The following TEX10 variants were observed in gnomAD, a reference collection of about 807,000 sequenced individuals.
TEX10 encodes the protein testis-expressed protein 10.
Under a neutral mutation model 104.4 loss-of-function variants are expected in TEX10, and 24 were observed. The observed-to-expected ratio is 0.23, with a 90% CI of 0.17 to 0.32. The LOEUF (loss-of-function observed/expected upper bound fraction) is 0.32, where lower values mean the gene tolerates loss of function less well. Among genes scored for constraint, TEX10 ranks in the 10% least tolerant of loss-of-function variants. The probability of loss-of-function intolerance (pLI) is 1.00; values close to 1 mark genes in which losing one functional copy is unlikely to be tolerated. For synonymous variants in TEX10, 396 were observed against 393.4 expected (o/e 1.01, Z -0.08); for missense variants, 921 against 1,083.9 (o/e 0.85, Z 2.11).
intron 10 of TEX10, among the ~76,000 whole-genome samples, chr9:100,321,473 C>T (rs997232015): frequency 2.6e-5 from 4 of 152,116 alleles, no homozygotes; most frequent in Admixed American, 1.3e-4. Flanking sequence ...AAAGACAAAT[C>T]ATCCATCCTC....
At chr9:100,341,576 C>A (rs1033334543) in intron 4 of TEX10, among the ~76,000 whole-genome samples, 2 of 152,094 alleles carry the variant, frequency 1.3e-5, no homozygotes, top group African/African-American at 4.8e-5. Flanking sequence ...TTACCTAGAT[C>A]CAGCTAGTTC....
intron 5 of TEX10, 119 bp downstream of exon 5, chr9:100,340,138 C>T (rs1047134317): frequency 1.2e-5 from 6 of 518,420 alleles, no homozygotes; most frequent in Non-Finnish European, 1.9e-5. Context: ...TTTATTTTCA[C>T]AAAATCTAGA....
At chr9:100,318,493 G>A (rs555808759) in intron 11 of TEX10, among the ~76,000 whole-genome samples, 1 of 152,292 alleles carries the variant, frequency 6.6e-6, no homozygotes, top group South Asian at 2.1e-4. Flanking sequence ...GTGAATGATA[G>A]GAGATTACTT....
chr9:100,321,844 A>G (rs1834580407), intron 9 of TEX10, 73 bp from the exon 10 acceptor site: 5 of 1,099,136 alleles, frequency 4.5e-6, no homozygotes, highest in Non-Finnish European at 6.8e-6. Flanking sequence ...AGCACAGTAT[A>G]TAACCATTGT....
chr9:100,333,636 T>TAAAAAAAAAAAAAAAAAAAACAAAAAAAA, intron 5 of TEX10, among the ~76,000 whole-genome samples: 1 of 109,762 alleles, frequency 9.1e-6, no homozygotes, highest in Non-Finnish European at 2.0e-5. Flanking sequence ...GACCCCATCA[T>TAAAAAAAAAAAAAAAAAAAACAAAAAAAA]AAAAAAAAAA....
chr9:100,317,218 G>A (rs1203975406), intron 11 of TEX10, among the ~76,000 whole-genome samples: 3 of 152,130 alleles, frequency 2.0e-5, no homozygotes, highest in Non-Finnish European at 4.4e-5. Flanking sequence ...AAAGCTGGAA[G>A]TATCACATTC....
At chr9:100,331,414 G>C (rs1389057653) in intron 5 of TEX10, among the ~76,000 whole-genome samples, 1 of 152,172 alleles carries the variant, frequency 6.6e-6, no homozygotes, top group African/African-American at 2.4e-5. Context: ...TCCAACCTGG[G>C]CAACAAAGAG....
At position 100,326,465 on chromosome 9, in the gene TEX10, C is replaced by T. The variant is rs777994859; in HGVS notation, c.1816G>A (p.Ala606Thr). The change falls in exon 9 of 15, where the codon GCT becomes ACT. Residue 606 changes from alanine to threonine, a missense_variant. By Grantham distance (58) the Ala-to-Thr change is moderately conservative. This residue lies in a region of TEX10 where 753 missense variants were observed against 868.4 expected (regional missense o/e 0.87). Coordinates refer to ENST00000374902, the MANE Select transcript of TEX10 (RefSeq NM_017746.4). ...GAGTCTGCAGGGAGAACCACCACAG[C>T]ACCTTCTTGTGGATCTAGTGAGGTG... ...ALRIYDPQEG[A>T]VVVLPADSQQ... is the part of the protein sequence containing the mutation. The T allele has an allele frequency of 1.2e-6, 2 of 1,613,408 alleles. No homozygotes were observed. Among genetic ancestry groups the T allele is most frequent in the Admixed American group, 3.3e-5 (2 of 59,878 alleles).
At chr9:100,350,402 T>C (rs1051583259) in intron 1 of TEX10, among the ~76,000 whole-genome samples, 1 of 152,180 alleles carries the variant, frequency 6.6e-6, no homozygotes, top group South Asian at 2.1e-4. Context: ...TCATACATAG[T>C]AAAACCTCCT....
At chr9:100,331,003 C>G (rs1267175313) in intron 5 of TEX10, among the ~76,000 whole-genome samples, 1 of 152,046 alleles carries the variant, frequency 6.6e-6, no homozygotes, top group Non-Finnish European at 1.5e-5. Context: ...CGCCCGTAAT[C>G]CCAGCACTTT....
Position 100,320,360 on chromosome 9 carries a change from G to A in TEX10, c.2107C>T (p.Arg703Ter). 1 of 1,612,262 alleles carries A rather than the reference G, an allele frequency of 6.2e-7. No homozygotes were observed. Among genetic ancestry groups the A allele is most frequent in the Non-Finnish European group, 8.5e-7 (1 of 1,178,932 alleles). The change falls in exon 11 of 15, where the codon CGA (arginine) becomes TGA (stop). Residue 703 changes from arginine (R) to a stop codon, truncating the protein, a stop_gained. Coordinates refer to ENST00000374902, the MANE Select transcript of TEX10 (RefSeq NM_017746.4). LOFTEE classifies it high-confidence loss of function. ...KEELTWLQSL[R>*]GVPHVIQTQL... ...GTCTGGATGACATGAGGAACTCCTC[G>A]AAGGCTCTGAAGCCAAGTCAACTCC...
chr9:100,329,750 T>TA (rs547807544), intron 6 of TEX10, among the ~76,000 whole-genome samples, 181 bp downstream of exon 6: 139 of 152,218 alleles, frequency 9.1e-4, no homozygotes, highest in African/African-American at 3.2e-3. Context: ...CCTACCCACT[T>TA]AGAGATACTC....
chr9:100,308,807 A>G, intron 12 of TEX10, 126 bp from the exon 13 acceptor site: 3 of 734,426 alleles, frequency 4.1e-6, no homozygotes, highest in Non-Finnish European at 6.0e-6. Context: ...TATACCTAAC[A>G]TATGCCACCT....
At chr9:100,349,415 GAATA>G in intron 1 of TEX10, 43 bp from the exon 2 acceptor site, 3 of 1,375,922 alleles carry the variant, frequency 2.2e-6, no homozygotes, top group East Asian at 2.5e-5. Flanking sequence ...ATAGAGACAA[GAATA>G]AATTATGAAA....
chr9:100,331,783 T>C lies in TEX10; in HGVS notation c.1251-1614A>G, dbSNP rs1411522643. ...GAAAAGGACAATGAGTTACAGCCTA[T>C]AAACAAAGAAGCAGCACTCCAGACA... On this transcript the variant is annotated intron_variant, in intron 5 of 14. Transcript: ENST00000374902. Among the ~76,000 whole-genome samples, 4 of 152,220 alleles carry C rather than the reference T, an allele frequency of 2.6e-5. No homozygotes were observed. The South Asian group carries it at 8.3e-4, about 32-fold the overall frequency.
chr9:100,352,466 C>A, intron 1 of TEX10: 3 of 1,551,688 alleles, frequency 1.9e-6, no homozygotes, highest in Non-Finnish European at 2.6e-6. Context: ...GGGACGCCGG[C>A]CAGGACCAGA....
At chr9:100,302,698 C>CAAAG (rs1379749701) in intron 14 of TEX10, among the ~76,000 whole-genome samples, 1 of 152,172 alleles carries the variant, frequency 6.6e-6, no homozygotes, top group African/African-American at 2.4e-5. Flanking sequence ...CTCTTCTTTA[C>CAAAG]AAAGATGGGC....
intron 5 of TEX10, 26 bp from the exon 6 acceptor site, chr9:100,330,195 T>C: frequency 6.7e-7 from 1 of 1,493,120 alleles, no homozygotes. Flanking sequence ...CACACATCTA[T>C]AAAGCATTAC....
chr9:100,328,558 G>GA (rs1412600232), intron 7 of TEX10, among the ~76,000 whole-genome samples: 1 of 152,132 alleles, frequency 6.6e-6, no homozygotes, highest in Non-Finnish European at 1.5e-5. Flanking sequence ...GAAGATTATT[G>GA]AGATTATGTA....
Sources: allele counts gnomAD v4.1 joint callset (sites outside exome capture counted in the v4.1 genomes callset), GRCh38; gene constraint gnomAD v4.1.1; regional missense constraint gnomAD v4.1.1; transcripts MANE v1.5; gene names NCBI Gene and HGNC (gene_info 2026-07-23, HGNC 2026-07-21).